The following PCCB variants were observed in gnomAD, a reference collection of about 807,000 sequenced individuals.
The protein encoded by PCCB is propionyl-CoA carboxylase beta chain, mitochondrial.
PCCB carries 43 observed loss-of-function variants against 60.7 expected under a neutral mutation model. That is an observed-to-expected ratio of 0.71 (90% CI 0.55 to 0.91). The LOEUF is 0.91. PCCB is among the 40% of genes least tolerant of loss of function. The probability of loss-of-function intolerance (pLI) is 0.00; values close to 1 mark genes in which losing one functional copy is unlikely to be tolerated. For missense variants in PCCB, 766 were observed against 702.8 expected (o/e 1.09, Z -1.02); for synonymous variants, 276 against 255.9 (o/e 1.08, Z -0.75).
chr3:136,305,253 C>T (rs1934417586), intron 9 of PCCB, among the ~76,000 whole-genome samples: 1 of 118,322 alleles, frequency 8.5e-6, no homozygotes. Context: ...TGCCACCATG[C>T]CTGGCTAATT....
chr3:136,310,145 C>T (rs480330), intron 9 of PCCB, among the ~76,000 whole-genome samples: 46,996 of 151,894 alleles, frequency 0.31, 9,114 homozygotes, highest in East Asian at 0.81. Flanking sequence ...GGGCGGATCA[C>T]CTGAGGTCGG....
chr3:136,264,448 G>GTGTGTATATATATATA (rs1015530159), intron 5 of PCCB, among the ~76,000 whole-genome samples: 9 of 107,292 alleles, frequency 8.4e-5, no homozygotes, highest in African/African-American at 2.4e-4. Flanking sequence ...GTGTATATAT[G>GTGTGTATATATATATA]TATATATATA....
chr3:136,324,778 A>G (rs892103212), intron 10 of PCCB, among the ~76,000 whole-genome samples: 1 of 152,232 alleles, frequency 6.6e-6, no homozygotes, highest in Non-Finnish European at 1.5e-5. Flanking sequence ...GGCAGCCCAC[A>G]GACAGGTTAG....
intron 1 of PCCB, among the ~76,000 whole-genome samples, chr3:136,253,776 C>T (rs1033855303): frequency 5.3e-5 from 8 of 150,260 alleles, no homozygotes; most frequent in African/African-American, 2.0e-4. Context: ...CTCCAGTGAT[C>T]CTCCCACTTC....
chr3:136,254,281 C>T (rs1181484451), intron 1 of PCCB, among the ~76,000 whole-genome samples: 6 of 151,718 alleles, frequency 4.0e-5, no homozygotes, highest in East Asian at 1.9e-4. Flanking sequence ...TACAGTGGTG[C>T]GATCTTGGCT....
intron 10 of PCCB, 150 bp from the exon 11 acceptor site, chr3:136,326,653 T>G: frequency 2.8e-6 from 2 of 715,158 alleles, no homozygotes; most frequent in South Asian, 3.0e-5. Flanking sequence ...TTTCCTGGAG[T>G]TTGAGGGGTC....
At chr3:136,304,718 A>C (rs1446886257) in intron 9 of PCCB, among the ~76,000 whole-genome samples, 1 of 109,290 alleles carries the variant, frequency 9.1e-6, no homozygotes, top group Non-Finnish European at 2.0e-5. Context: ...TTTGAGATGG[A>C]GTCTCACTCT....
chr3:136,285,511 A>T (rs1356663355), intron 6 of PCCB, among the ~76,000 whole-genome samples: 1 of 151,390 alleles, frequency 6.6e-6, no homozygotes, highest in Non-Finnish European at 1.5e-5. Flanking sequence ...CCCATTCTTT[A>T]ACACGTGTTA....
At chr3:136,298,179 T>C in intron 8 of PCCB, 107 bp downstream of exon 8, 1 of 1,347,098 alleles carries the variant, frequency 7.4e-7, no homozygotes, top group Admixed American at 1.7e-5. Flanking sequence ...TGCAGCAGAG[T>C]GTGGTAGAGT....
intron 3 of PCCB, among the ~76,000 whole-genome samples, chr3:136,258,149 AG>A (rs1168053400): frequency 6.6e-6 from 1 of 152,210 alleles, no homozygotes; most frequent in East Asian, 1.9e-4. Flanking sequence ...GATAGAACAA[AG>A]ATGTTTTCTG....
chr3:136,284,625 G>T (rs577426041), intron 6 of PCCB, among the ~76,000 whole-genome samples: 1 of 152,116 alleles, frequency 6.6e-6, no homozygotes, highest in Non-Finnish European at 1.5e-5. Flanking sequence ...TTGAGGAGAG[G>T]AGTTCTAGAG....
intron 7 of PCCB, among the ~76,000 whole-genome samples, chr3:136,295,187 T>TTGTAA (rs779829435): frequency 2.6e-5 from 4 of 152,114 alleles, no homozygotes; most frequent in Non-Finnish European, 5.9e-5. Flanking sequence ...CTCTGAGAGA[T>TTGTAA]TTTACAGCAG....
At chr3:136,329,094 C>G (rs919310243) in intron 14 of PCCB, among the ~76,000 whole-genome samples, 2 of 152,208 alleles carry the variant, frequency 1.3e-5, no homozygotes, top group Non-Finnish European at 1.5e-5. Flanking sequence ...AGGTGTTGTT[C>G]CAGTTGTCTA....
intron 7 of PCCB, 144 bp from the exon 8 acceptor site, chr3:136,297,808 C>A: frequency 1.2e-6 from 1 of 861,782 alleles, no homozygotes; most frequent in Non-Finnish European, 2.0e-6. Flanking sequence ...TGTGGCATTA[C>A]ATCCTCAGTG....
chr3:136,285,686 A>G (rs1933369481), intron 6 of PCCB, among the ~76,000 whole-genome samples: 3 of 152,096 alleles, frequency 2.0e-5, no homozygotes, highest in Admixed American at 1.3e-4. Flanking sequence ...AACTCTGACC[A>G]TACCTTCCTG....
chr3:136,253,082 G>GATTTTTTTTTTTTTT (rs1941562687), intron 1 of PCCB, among the ~76,000 whole-genome samples: 3 of 71,500 alleles, frequency 4.2e-5, no homozygotes, highest in Non-Finnish European at 4.9e-5. Context: ...AGCAATGGAG[G>GATTTTTTTTTTTTTT]TTTTTTTTTT....
intron 7 of PCCB, among the ~76,000 whole-genome samples, chr3:136,297,296 G>A (rs1026560984): frequency 6.6e-6 from 1 of 152,164 alleles, no homozygotes; most frequent in Non-Finnish European, 1.5e-5. Flanking sequence ...CAGCTTTGTG[G>A]ACAAGAGACC....
chr3:136,285,217 C>T (rs1340136613), intron 6 of PCCB, among the ~76,000 whole-genome samples: 1 of 152,170 alleles, frequency 6.6e-6, no homozygotes, highest in Non-Finnish European at 1.5e-5. Context: ...TTCTCTCCTC[C>T]TTCCTGCCTG....
chr3:136,273,911 CAAAAAAAAAA>C lies in PCCB; in HGVS notation c.544-9910_544-9901del, dbSNP rs34690853. Among the ~76,000 whole-genome samples the C allele has an allele frequency of 7.0e-3, 388 of 55,566 alleles. 1 individual carries two copies. Among genetic ancestry groups the C allele is most frequent in the Non-Finnish European group, 0.011 (328 of 31,120 alleles). 36.5% of individuals were successfully genotyped at this position (55,566 alleles called of 152,430 possible). ...TGGGTGACAGAGGGAGACTCTGTCT[CAAAAAAAAAA>C]AAAAAAAAAAAAAAAGAATAGCTCA... On this transcript the variant is annotated intron_variant, in intron 5 of 14. Coordinates refer to ENST00000251654, the MANE Select transcript of PCCB (RefSeq NM_000532.5).
Sources: allele counts gnomAD v4.1 joint callset (sites outside exome capture counted in the v4.1 genomes callset), GRCh38; gene constraint gnomAD v4.1.1; transcripts MANE v1.5; gene names NCBI Gene and HGNC (gene_info 2026-07-23, HGNC 2026-07-21).